The following GCLC variants were observed in gnomAD, a reference collection of about 807,000 sequenced individuals.
The protein encoded by GCLC is glutamate--cysteine ligase catalytic subunit.
In GCLC, 30 loss-of-function variants were observed where a neutral mutation model predicts 81.5. That is an observed-to-expected ratio of 0.37 (90% CI 0.28 to 0.50). The LOEUF is 0.50. Ranked by LOEUF, GCLC falls within the 20% of genes least tolerant of loss-of-function variation. GCLC has a pLI of 0.96. For missense variants in GCLC, 556 were observed against 777.4 expected (o/e 0.72, Z 3.39); for synonymous variants, 262 against 273.3 (o/e 0.96, Z 0.41).
At chr6:53,537,758 C>G (rs1463423732) in intron 1 of GCLC, among the ~76,000 whole-genome samples, 1 of 151,826 alleles carries the variant, frequency 6.6e-6, no homozygotes, top group African/African-American at 2.4e-5. Context: ...CCAAAAAACC[C>G]TACATATGTG....
chr6:53,544,732 A>G lies in GCLC; in HGVS notation c.-87T>C. 1 of 1,331,422 alleles carries G rather than the reference A, an allele frequency of 7.5e-7. No individual in the cohort carries two copies. Among genetic ancestry groups the G allele is most frequent in the Non-Finnish European group, 1.0e-6 (1 of 991,212 alleles). The allele number at this position is 1,331,422 out of a possible 1,614,324, so 82.5% of individuals were successfully genotyped here. On this transcript the variant is annotated 5_prime_UTR_variant, in exon 1 of 16. Transcript: ENST00000650454. ...GAGACGGACACTCAGCCGCCCGCAG[A>G]AGGCGGCTGCCGCTCCACCCCGCGG... is the stretch of plus-strand genomic sequence containing the variant.
chr6:53,544,658 C>CTCCTCT lies in GCLC; in HGVS notation c.-14_-13insAGAGGA, dbSNP rs2127633164. On this transcript the variant is annotated 5_prime_UTR_variant, in exon 1 of 16. Coordinates refer to ENST00000650454, the MANE Select transcript of GCLC (RefSeq NM_001498.4). Reference sequence around the variant, plus strand: ...ACAGCAGCCCCATGGCCGCCCCCTCCTCCTCCTCCTCCTCCTCCGGGCTGA... The same window carrying CTCCTCT: ...ACAGCAGCCCCATGGCCGCCCCCTCCTCCTCTTCCTCCTCCTCCTCCTCCGGGCTGA... 1.9e-6 allele frequency: 3 copies of CTCCTCT among 1,567,550 alleles called. No individual in the cohort carries two copies. In the Admixed American group the frequency reaches 5.3e-5, roughly 28 times the overall value.
At chr6:53,517,367 G>T (rs956127486) in intron 3 of GCLC, among the ~76,000 whole-genome samples, 1 of 149,918 alleles carries the variant, frequency 6.7e-6, no homozygotes, top group African/African-American at 2.5e-5. Flanking sequence ...AAAGTACTGG[G>T]ATTACAAGCA....
intron 1 of GCLC, among the ~76,000 whole-genome samples, chr6:53,542,975 C>T (rs1763385739): frequency 1.3e-5 from 2 of 152,168 alleles, no homozygotes; most frequent in Non-Finnish European, 2.9e-5. Context: ...CACCATTGCA[C>T]TCCAGCCTGG....
rs188699817 is a variant in GCLC, at chr6:53,499,136, C to T, written c.1703-169G>A. ...AACATCTTTCATAGCGTTTGAAGAA[C>T]TCCTCCTGGGCAGGAATTCTAGGTT... On this transcript the variant is annotated intron_variant, in intron 15 of 15. Coordinates refer to ENST00000650454, the MANE Select transcript of GCLC (RefSeq NM_001498.4). Among the ~76,000 whole-genome samples, 416 of 152,194 alleles carry T rather than the reference C, an allele frequency of 2.7e-3. 1 individual carries two copies. Among genetic ancestry groups the T allele is most frequent in the African/African-American group, 9.2e-3 (380 of 41,528 alleles).
At chr6:53,499,038 G>C in intron 15 of GCLC, 71 bp from the exon 16 acceptor site, 1 of 921,930 alleles carries the variant, frequency 1.1e-6, no homozygotes, top group Non-Finnish European at 1.8e-6. Context: ...TTGATATTTA[G>C]TGGTCAGCAT....
intron 1 of GCLC, among the ~76,000 whole-genome samples, chr6:53,528,163 A>T: frequency 6.6e-6 from 1 of 152,254 alleles, no homozygotes; most frequent in East Asian, 1.9e-4. Context: ...ACAGTAACAT[A>T]GGACAACCTG....
At chr6:53,538,274 C>A (rs1763291929) in intron 1 of GCLC, among the ~76,000 whole-genome samples, 2 of 151,074 alleles carry the variant, frequency 1.3e-5, no homozygotes, top group Non-Finnish European at 2.9e-5. Flanking sequence ...ACCTCAGCCT[C>A]CCAAGTAGCT....
chr6:53,527,085 T>G (rs938177218), intron 1 of GCLC, among the ~76,000 whole-genome samples: 1 of 152,272 alleles, frequency 6.6e-6, no homozygotes, highest in Admixed American at 6.5e-5. Context: ...GACTATGAGC[T>G]GTGAGGTCCT....
intron 1 of GCLC, among the ~76,000 whole-genome samples, chr6:53,537,830 T>A (rs1024371162): frequency 6.6e-6 from 1 of 152,102 alleles, no homozygotes; most frequent in African/African-American, 2.4e-5. Context: ...GTTTTAAATT[T>A]TCTAAGTAAA....
intron 1 of GCLC, among the ~76,000 whole-genome samples, chr6:53,538,388 G>A (rs145035838): frequency 0.01 from 1,528 of 150,458 alleles, 24 homozygotes; most frequent in African/African-American, 0.035. Context: ...GTGCAGTGGC[G>A]CGATCTAGGC....
Position 53,498,294 on chromosome 6 carries a change from G to C in GCLC, c.*462C>G, listed in dbSNP as rs114135729. The C allele has an allele frequency of 6.9e-3, 1,203 of 173,822 alleles. 19 individuals carry two copies. Among genetic ancestry groups the C allele is most frequent in the African/African-American group, 0.028 (1,159 of 41,624 alleles). 10.8% of individuals were successfully genotyped at this position (173,822 alleles called of 1,614,324 possible). On this transcript the variant is annotated 3_prime_UTR_variant, in exon 16 of 16. Transcript: ENST00000650454. ...CAATGGATTCAAGTGATTTAATGTA[G>C]ACAACAAAGGAAATGACAAAGGAAA...
At chr6:53,535,895 A>G (rs1763249002) in intron 1 of GCLC, among the ~76,000 whole-genome samples, 1 of 152,220 alleles carries the variant, frequency 6.6e-6, no homozygotes, top group Non-Finnish European at 1.5e-5. Context: ...ACCCTGGAAA[A>G]GTTTGGTATT....
At chr6:53,500,387 T>G (rs770142043) in intron 13 of GCLC, 37 bp from the exon 14 acceptor site, 37 of 1,603,852 alleles carry the variant, frequency 2.3e-5, no homozygotes, top group Non-Finnish European at 3.2e-5. Context: ...TTTAGCAGCT[T>G]GTTGCAGCAT....
At chr6:53,499,934 A>G in intron 15 of GCLC, 111 bp downstream of exon 15, 1 of 787,106 alleles carries the variant, frequency 1.3e-6, no homozygotes, top group Admixed American at 2.1e-5. Context: ...TAAAAATGTG[A>G]AACTGTGCAT....
At position 53,544,520 on chromosome 6, in the gene GCLC, C is replaced by A; in HGVS notation, c.126G>T (p.Lys42Asn). 6.2e-7 allele frequency: 1 copy of A among 1,609,086 alleles called. No individual in the cohort carries two copies. Among genetic ancestry groups the A allele is most frequent in the South Asian group, 1.1e-5 (1 of 91,080 alleles). The part of the protein sequence containing the change: ...HIYHAVKDRH[K>N]DVLKWGDEVE... ...CCTCATCGCCCCACTTGAGAACGTC[C>A]TTGTGCCGGTCCTTGACGGCGTGGT... The change falls in exon 1 of 16, where the codon AAG becomes AAT. Residue 42 changes from lysine (K) to asparagine (N), a missense_variant. Physicochemically the swap from Lys to Asn is moderately conservative, Grantham distance 94. This residue lies in a region of GCLC where 234 missense variants were observed against 303.8 expected (regional missense o/e 0.77). Transcript: ENST00000650454.
intron 1 of GCLC, among the ~76,000 whole-genome samples, chr6:53,525,307 A>T (rs1763061616): frequency 1.3e-5 from 2 of 152,222 alleles, no homozygotes; most frequent in Admixed American, 1.3e-4. Context: ...TGTCTATATG[A>T]GCATTCTGAA....
intron 1 of GCLC, chr6:53,522,736 C>T (rs1763020456): frequency 2.0e-6 from 1 of 494,308 alleles, no homozygotes; most frequent in Non-Finnish European, 3.7e-6. Flanking sequence ...CCACTTCCAT[C>T]CCTTCTTTCC....
intron 2 of GCLC, among the ~76,000 whole-genome samples, chr6:53,521,818 C>T (rs1034774301): frequency 6.6e-6 from 1 of 152,022 alleles, no homozygotes; most frequent in African/African-American, 2.4e-5. Flanking sequence ...ACTAAAAATA[C>T]AAAAAATTAG....
Sources: gnomAD v4.1 joint callset for allele counts (sites outside exome capture counted in the v4.1 genomes callset) on GRCh38, gnomAD v4.1.1 for gene constraint, gnomAD v4.1.1 regional missense constraint, MANE v1.5 for transcripts, NCBI Gene and HGNC (gene_info 2026-07-23, HGNC 2026-07-21) for gene names.